The following ROBO1 variants were observed in gnomAD, a reference collection of about 807,000 sequenced individuals.
ROBO1 encodes the protein roundabout guidance receptor 1, also known as roundabout homolog 1.
Under a neutral mutation model 195.9 loss-of-function variants are expected in ROBO1, and 149 were observed. The observed-to-expected ratio is 0.76, with a 90% CI of 0.67 to 0.87. The LOEUF is 0.87. Ranked by LOEUF, ROBO1 falls within the 40% of genes least tolerant of loss-of-function variation. The pLI is 0.00. For missense variants in ROBO1, 1,933 were observed against 2,068.3 expected, an observed-to-expected ratio of 0.93 and a Z score of 1.27; for synonymous variants, 816 against 733.2, an observed-to-expected ratio of 1.11 and a Z score of -1.82.
At chr3:78,884,864 T>TGTGTGTGTG (rs2036449413) in intron 4 of ROBO1, among the ~76,000 whole-genome samples, 2 of 67,604 alleles carry the variant, frequency 3.0e-5, no homozygotes, top group African/African-American at 2.6e-4. Flanking sequence ...CTCTCTCTCT[T>TGTGTGTGTG]TCTGTGTGTG....
intron 2 of ROBO1, among the ~76,000 whole-genome samples, chr3:79,486,120 C>A (rs909942012): frequency 6.6e-6 from 1 of 152,024 alleles, no homozygotes; most frequent in African/African-American, 2.4e-5. Flanking sequence ...ACAAGGATAA[C>A]CTTAAAGATT....
intron 2 of ROBO1, among the ~76,000 whole-genome samples, chr3:79,350,990 C>T (rs2035319238): frequency 1.3e-5 from 2 of 152,056 alleles, no homozygotes; most frequent in Non-Finnish European, 2.9e-5. Context: ...CTGCTGCACC[C>T]AGGAGGATTT....
rs568615139 is a variant in ROBO1 at position 79,049,367 on chromosome 3, T to C, written c.172+76089A>G. ...TAGAGAAAAATGAATGAAAAGAAAC[T>C]AACAAAGCCTCAGAGAAATAAGGGA... On this transcript the variant is annotated intron_variant, in intron 3 of 30. Coordinates refer to ENST00000464233, the MANE Select transcript of ROBO1 (RefSeq NM_002941.4). Among the ~76,000 whole-genome samples the C allele has an allele frequency of 2.1e-3, 322 of 152,028 alleles. 3 individuals carry two copies. Among genetic ancestry groups the C allele is most frequent in the South Asian group, 7.1e-3 (34 of 4,812 alleles).
At chr3:79,651,831 A>G (rs1946018804) in intron 1 of ROBO1, among the ~76,000 whole-genome samples, 1 of 152,190 alleles carries the variant, frequency 6.6e-6, no homozygotes, top group Non-Finnish European at 1.5e-5. Context: ...TAAGTGTCAA[A>G]GAAGATCACT....
At chr3:79,354,705 C>T (rs1230839188) in intron 2 of ROBO1, among the ~76,000 whole-genome samples, 2 of 152,168 alleles carry the variant, frequency 1.3e-5, no homozygotes, top group African/African-American at 4.8e-5. Flanking sequence ...ACATTTGCCA[C>T]AATCTACAAG....
intron 3 of ROBO1, among the ~76,000 whole-genome samples, chr3:79,054,617 T>C (rs2078767844): frequency 6.6e-6 from 1 of 152,114 alleles, no homozygotes. Context: ...CCTGCTATAA[T>C]TGAGGTCAAC....
chr3:78,806,042 C>G (rs973310300), intron 4 of ROBO1, among the ~76,000 whole-genome samples: 1 of 152,118 alleles, frequency 6.6e-6, no homozygotes, highest in African/African-American at 2.4e-5. Context: ...TCACTGTAAA[C>G]TTGAACTCCT....
At chr3:78,895,098 T>G (rs2037152724) in intron 4 of ROBO1, among the ~76,000 whole-genome samples, 1 of 152,036 alleles carries the variant, frequency 6.6e-6, no homozygotes, top group Non-Finnish European at 1.5e-5. Context: ...AAGTTGAGAG[T>G]TTGGAAACTG....
intron 5 of ROBO1, among the ~76,000 whole-genome samples, chr3:78,739,904 T>C (rs1436978965): frequency 6.6e-6 from 1 of 152,174 alleles, no homozygotes; most frequent in African/African-American, 2.4e-5. Context: ...ACTGATAGCA[T>C]AGCAGAGTTG....
intron 2 of ROBO1, among the ~76,000 whole-genome samples, chr3:79,334,312 ATAT>A (rs1340203588): frequency 1.8e-4 from 7 of 39,764 alleles, no homozygotes; most frequent in African/African-American, 3.9e-4. Flanking sequence ...AAAAAAAAAA[ATAT>A]ATATATATAT....
At chr3:79,625,422 T>TAAAAAAAAAAAAAAAAAAAAAAAA (rs1945136215) in intron 1 of ROBO1, among the ~76,000 whole-genome samples, 1 of 3,982 alleles carries the variant, frequency 2.5e-4, no homozygotes, top group Non-Finnish European at 4.5e-4. Flanking sequence ...CTGTTTTTTT[T>TAAAAAAAAAAAAAAAAAAAAAAAA]GAAAAAAAAA....
chr3:79,139,179 C>G (rs1175983699), intron 2 of ROBO1, among the ~76,000 whole-genome samples: 7 of 151,484 alleles, frequency 4.6e-5, no homozygotes, highest in African/African-American at 1.7e-4. Flanking sequence ...ATATATAAAA[C>G]AATTCTATTA....
chr3:78,630,581 G>C (rs1158855672), intron 25 of ROBO1, among the ~76,000 whole-genome samples: 1 of 152,172 alleles, frequency 6.6e-6, no homozygotes, highest in Non-Finnish European at 1.5e-5. Context: ...AGAAGCAGCT[G>C]TTTTGTTTCA....
chr3:79,185,788 G>C (rs1389057538), intron 2 of ROBO1, among the ~76,000 whole-genome samples: 1 of 152,044 alleles, frequency 6.6e-6, no homozygotes, highest in Non-Finnish European at 1.5e-5. Flanking sequence ...GTTTCATCTT[G>C]TGACATGAGC....
intron 5 of ROBO1, among the ~76,000 whole-genome samples, chr3:78,724,807 T>C (rs1479270500): frequency 1.3e-5 from 2 of 152,122 alleles, no homozygotes; most frequent in Non-Finnish European, 2.9e-5. Context: ...AAAATGAACA[T>C]TTTCTCTGTC....
intron 2 of ROBO1, among the ~76,000 whole-genome samples, chr3:79,581,533 C>G (rs767485319): frequency 2.4e-4 from 36 of 152,228 alleles, no homozygotes; most frequent in African/African-American, 8.2e-4. Flanking sequence ...AAGACCAAGG[C>G]TAATAAAGAG....
chr3:78,942,212 A>G (rs1172720780), intron 3 of ROBO1, among the ~76,000 whole-genome samples: 1 of 151,960 alleles, frequency 6.6e-6, no homozygotes, highest in African/African-American at 2.4e-5. Context: ...AGGTGCAATG[A>G]TCACCTGGGC....
chr3:79,025,178 T>G (rs1242201685), intron 3 of ROBO1, among the ~76,000 whole-genome samples: 2 of 152,306 alleles, frequency 1.3e-5, no homozygotes, highest in East Asian at 3.9e-4. Context: ...GGAATTTACA[T>G]GTGCTCTACG....
At chr3:79,060,325 C>T (rs778104332) in intron 3 of ROBO1, among the ~76,000 whole-genome samples, 65 of 151,992 alleles carry the variant, frequency 4.3e-4, no homozygotes, top group Non-Finnish European at 5.6e-4. Context: ...CTTTTCTGCC[C>T]GTGTGATATT....
Sources: gnomAD v4.1 joint callset for allele counts (sites outside exome capture counted in the v4.1 genomes callset) on GRCh38, gnomAD v4.1.1 for gene constraint, MANE v1.5 for transcripts, NCBI Gene and HGNC (gene_info 2026-07-23, HGNC 2026-07-21) for gene names.